Variants in TBC1D22A observed in about 807,000 individuals in gnomAD.
The protein encoded by TBC1D22A is TBC1 domain family member 22A.
A neutral mutation model predicts 60.2 loss-of-function variants in TBC1D22A; 38 were observed. The ratio of observed to expected loss-of-function variants is 0.63; its 90% CI spans 0.49 to 0.83. The LOEUF (loss-of-function observed/expected upper bound fraction) is 0.83. Among genes scored for constraint, TBC1D22A ranks in the 40% least tolerant of loss-of-function variants. The pLI is 0.00. For synonymous variants in TBC1D22A, 302 were observed against 281.7 expected (o/e 1.07, Z -0.72); for missense variants, 628 against 701.0 (o/e 0.90, Z 1.18).
At chr22:47,086,411 C>A (rs1170244259) in intron 11 of TBC1D22A, among the ~76,000 whole-genome samples, 1 of 152,094 alleles carries the variant, frequency 6.6e-6, no homozygotes, top group East Asian at 1.9e-4. Context: ...GCTGAGATCG[C>A]GCCATTGCAC....
chr22:46,851,095 A>G (rs1484049249), intron 4 of TBC1D22A, among the ~76,000 whole-genome samples: 1 of 152,170 alleles, frequency 6.6e-6, no homozygotes, highest in African/African-American at 2.4e-5. Context: ...GTCTGCATAT[A>G]CTGGAAACCA....
chr22:47,101,511 A>G (rs1472912366), intron 11 of TBC1D22A, among the ~76,000 whole-genome samples: 1 of 152,348 alleles, frequency 6.6e-6, no homozygotes, highest in South Asian at 2.1e-4. Context: ...TGCCTCAGCC[A>G]TGCCTGTGGG....
chr22:47,169,485 G>A (rs1180322201), intron 12 of TBC1D22A, among the ~76,000 whole-genome samples: 1 of 152,118 alleles, frequency 6.6e-6, no homozygotes, highest in Non-Finnish European at 1.5e-5. Context: ...ATGGACATGT[G>A]GTCAGGCCTG....
intron 11 of TBC1D22A, among the ~76,000 whole-genome samples, chr22:47,076,718 T>G (rs1295475600): frequency 6.6e-6 from 1 of 152,062 alleles, no homozygotes; most frequent in African/African-American, 2.4e-5. Flanking sequence ...GATAGTTCGT[T>G]TGCTTTGACT....
At chr22:46,974,539 C>A in intron 9 of TBC1D22A, 140 bp downstream of exon 9, 1 of 705,146 alleles carries the variant, frequency 1.4e-6, no homozygotes, top group Non-Finnish European at 2.5e-6. Context: ...TCTGGAATAG[C>A]ACAGACCCCT....
At chr22:46,882,385 C>T (rs79471077) in intron 5 of TBC1D22A, among the ~76,000 whole-genome samples, 2,832 of 152,230 alleles carry the variant, frequency 0.019, 94 homozygotes, top group African/African-American at 0.064. Context: ...ACTGTTACGT[C>T]GGTTCTTGGG....
chr22:47,098,427 C>A (rs778359565), intron 11 of TBC1D22A, among the ~76,000 whole-genome samples: 1 of 152,196 alleles, frequency 6.6e-6, no homozygotes, highest in Non-Finnish European at 1.5e-5. Context: ...TGCTGCCACC[C>A]CCAGGTGGCC....
intron 10 of TBC1D22A, among the ~76,000 whole-genome samples, chr22:47,002,470 C>G (rs1347261517): frequency 1.3e-5 from 2 of 152,210 alleles, no homozygotes; most frequent in Non-Finnish European, 2.9e-5. Context: ...TAGATGACGT[C>G]TGTATAAATG....
intron 8 of TBC1D22A, among the ~76,000 whole-genome samples, chr22:46,965,370 G>C (rs2073749671): frequency 6.6e-6 from 1 of 152,344 alleles, no homozygotes; most frequent in African/African-American, 2.4e-5. Context: ...CAGACGGTGA[G>C]CCATGGATGT....
intron 1 of TBC1D22A, among the ~76,000 whole-genome samples, chr22:46,769,617 G>T (rs1225220657): frequency 6.6e-6 from 1 of 152,134 alleles, no homozygotes; most frequent in Admixed American, 6.5e-5. Flanking sequence ...GTATAGGAGT[G>T]GGGAGCGCTT....
chr22:46,769,672 C>G (rs2083421393), intron 1 of TBC1D22A, among the ~76,000 whole-genome samples: 1 of 152,072 alleles, frequency 6.6e-6, no homozygotes, highest in South Asian at 2.1e-4. Flanking sequence ...GGCACTGGAG[C>G]TGCTTCCAAG....
At chr22:47,063,948 G>A (rs532537167) in intron 11 of TBC1D22A, among the ~76,000 whole-genome samples, 1 of 50,082 alleles carries the variant, frequency 2.0e-5, no homozygotes, top group South Asian at 7.2e-4. Context: ...CTACTCCAGT[G>A]TGGCCTCCTC....
chr22:46,919,649 A>G (rs1386833091), intron 8 of TBC1D22A, among the ~76,000 whole-genome samples: 1 of 151,478 alleles, frequency 6.6e-6, no homozygotes, highest in Admixed American at 6.6e-5. Flanking sequence ...CCCTGCCCAT[A>G]GCATTGTGGG....
chr22:46,985,472 C>A (rs779421405), intron 9 of TBC1D22A, among the ~76,000 whole-genome samples: 2 of 152,136 alleles, frequency 1.3e-5, no homozygotes, highest in Admixed American at 1.3e-4. Flanking sequence ...TGGGCTCTGA[C>A]AGAAGGTTCA....
At chr22:47,150,494 A>G (rs112575461) in intron 12 of TBC1D22A, among the ~76,000 whole-genome samples, 2,314 of 152,198 alleles carry the variant, frequency 0.015, 58 homozygotes, top group African/African-American at 0.054. Context: ...GCCCGCGTAC[A>G]CCTGAGGCGG....
In TBC1D22A at chr22:47,167,350, A is replaced by G. The variant is rs370585576; in HGVS notation, c.1426-6148A>G. Among the ~76,000 whole-genome samples the G allele has an allele frequency of 2.6e-5, 4 of 152,206 alleles. No homozygotes were observed. In the South Asian group the frequency reaches 8.3e-4, roughly 31 times the overall value. ...CGAAGGCACTTTGCACACATTCAAC[A>G]ACCTAATAAGGGAGTTATTATTTTT... On this transcript the variant is annotated intron_variant, in intron 12 of 12. Coordinates refer to ENST00000337137, the MANE Select transcript of TBC1D22A (RefSeq NM_014346.5).
chr22:47,166,077 G>C (rs529285926), intron 12 of TBC1D22A, among the ~76,000 whole-genome samples: 1 of 152,328 alleles, frequency 6.6e-6, no homozygotes, highest in East Asian at 1.9e-4. Context: ...CTTCTGACTT[G>C]AGTAGCTTTT....
intron 5 of TBC1D22A, among the ~76,000 whole-genome samples, chr22:46,879,324 C>G (rs1460530299): frequency 1.3e-5 from 2 of 151,868 alleles, no homozygotes; most frequent in East Asian, 3.9e-4. Flanking sequence ...GTGACATCAG[C>G]AATGCCCTCG....
At chr22:46,808,005 C>T (rs541764505) in intron 4 of TBC1D22A, among the ~76,000 whole-genome samples, 3 of 151,898 alleles carry the variant, frequency 2.0e-5, no homozygotes, top group South Asian at 2.1e-4. Context: ...AAACTTGGTA[C>T]AGGATTAAAT....
Sources: gnomAD v4.1 joint callset for allele counts (sites outside exome capture counted in the v4.1 genomes callset) on GRCh38, gnomAD v4.1.1 for gene constraint, MANE v1.5 for transcripts, NCBI Gene and HGNC (gene_info 2026-07-23, HGNC 2026-07-21) for gene names.